RBFOX1: variants seen among roughly 807,000 people sequenced by gnomAD.
RBFOX1 encodes the protein RNA binding fox-1 homolog 1.
RBFOX1 carries 8 observed loss-of-function variants against 57.7 expected under a neutral mutation model. The observed-to-expected ratio is 0.14, with a 90% CI of 0.08 to 0.25. The LOEUF is 0.25. Ranked by LOEUF, RBFOX1 falls within the 10% of genes least tolerant of loss-of-function variation. The pLI, the probability that RBFOX1 is intolerant of heterozygous loss-of-function variation, is 1.00. For missense variants in RBFOX1, 611 were observed against 548.5 expected (o/e 1.11, Z -1.14); for synonymous variants, 326 against 222.4 (o/e 1.47, Z -4.15).
At chr16:6,206,114 G>A (rs1365919778) in intron 1 of RBFOX1, among the ~76,000 whole-genome samples, 2 of 152,064 alleles carry the variant, frequency 1.3e-5, no homozygotes, top group Non-Finnish European at 2.9e-5. Flanking sequence ...TGTCTTTTAA[G>A]GCACAGGTCA....
intron 1 of RBFOX1, among the ~76,000 whole-genome samples, chr16:6,145,185 C>A (rs1234249976): frequency 1.3e-5 from 2 of 152,032 alleles, no homozygotes; most frequent in Non-Finnish European, 2.9e-5. Context: ...TCTCCCATTT[C>A]CCACCCTCCA....
intron 3 of RBFOX1, among the ~76,000 whole-genome samples, chr16:6,902,247 T>G (rs777653393): frequency 6.6e-5 from 10 of 152,150 alleles, no homozygotes; most frequent in Admixed American, 1.3e-4. Context: ...AACTCACAGT[T>G]TCTGTATTGA....
chr16:6,445,593 T>TA, intron 2 of RBFOX1, among the ~76,000 whole-genome samples: 1 of 142,454 alleles, frequency 7.0e-6, no homozygotes, highest in East Asian at 2.0e-4. Context: ...TGAGATGGAG[T>TA]TTTTTTTTGA....
At chr16:5,534,297 A>T (rs551763197) in intron 2 of RBFOX1, among the ~76,000 whole-genome samples, 52 of 152,290 alleles carry the variant, frequency 3.4e-4, no homozygotes, top group African/African-American at 1.2e-3. Flanking sequence ...ATATGTATAC[A>T]TGAAAGGGAG....
intron 3 of RBFOX1, among the ~76,000 whole-genome samples, chr16:6,936,829 C>G (rs778140563): frequency 1.3e-4 from 19 of 151,436 alleles, no homozygotes; most frequent in African/African-American, 4.4e-4. Flanking sequence ...AGGTTCTTTC[C>G]GAATGCTCAA....
chr16:6,673,154 T>C (rs2098778242), intron 3 of RBFOX1, among the ~76,000 whole-genome samples: 2 of 152,314 alleles, frequency 1.3e-5, no homozygotes, highest in South Asian at 4.1e-4. Context: ...CAGTGATGTC[T>C]ACACTTCCCA....
chr16:7,075,000 G>A (rs868756649), intron 4 of RBFOX1, among the ~76,000 whole-genome samples: 43 of 152,196 alleles, frequency 2.8e-4, no homozygotes, highest in African/African-American at 9.4e-4. Context: ...GTCAAAGGGT[G>A]AGAATTAAAG....
At chr16:6,006,767 C>T (rs1034373594) in intron 4 of RBFOX1, among the ~76,000 whole-genome samples, 1 of 152,102 alleles carries the variant, frequency 6.6e-6, no homozygotes, top group African/African-American at 2.4e-5. Flanking sequence ...AGCTGTTGTT[C>T]AAGGCCAGAC....
Position 5,301,659 on chromosome 16 carries a change from A to G in RBFOX1, c.219+61554A>G, listed in dbSNP as rs368649403. Among the ~76,000 whole-genome samples, 7 of 150,110 alleles carry G rather than the reference A, an allele frequency of 4.7e-5. No individual in the cohort carries two copies. The East Asian group carries it at 9.8e-4, about 21-fold the overall frequency. On this transcript the variant is annotated intron_variant, in intron 1 of 2. Coordinates refer to the RBFOX1 transcript ENST00000585867. ...AAAAACACACAAAAACAAAAAACTGAGCTTGGATACACAGAGCTCCATCTC... is the reference window on the plus strand; with the variant it reads ...AAAAACACACAAAAACAAAAAACTGGGCTTGGATACACAGAGCTCCATCTC...
At chr16:5,513,398 C>T (rs760129928) in intron 2 of RBFOX1, among the ~76,000 whole-genome samples, 4 of 152,128 alleles carry the variant, frequency 2.6e-5, no homozygotes, top group South Asian at 2.1e-4. Context: ...TGCCAACTAC[C>T]GACATGCCTA....
chr16:7,439,129 C>G (rs1372584976), intron 4 of RBFOX1, among the ~76,000 whole-genome samples: 1 of 152,130 alleles, frequency 6.6e-6, no homozygotes, highest in African/African-American at 2.4e-5. Flanking sequence ...AAATGGATGC[C>G]CTTGTCCTTC....
intron 4 of RBFOX1, among the ~76,000 whole-genome samples, chr16:5,899,541 C>A (rs536954355): frequency 1.3e-5 from 2 of 152,160 alleles, no homozygotes; most frequent in Admixed American, 1.3e-4. Flanking sequence ...GTGAATTCCA[C>A]GGGTTTCACA....
chr16:6,242,588 T>C (rs1345374650), intron 1 of RBFOX1, among the ~76,000 whole-genome samples: 4 of 150,122 alleles, frequency 2.7e-5, no homozygotes, highest in Non-Finnish European at 4.4e-5. Context: ...CTCTGCTTGT[T>C]AGGCATTTAC....
chr16:6,544,671 A>G (rs1488681704), intron 2 of RBFOX1, among the ~76,000 whole-genome samples: 1 of 152,234 alleles, frequency 6.6e-6, no homozygotes, highest in African/African-American at 2.4e-5. Flanking sequence ...CTGACTGCGT[A>G]TCCACCCCAT....
At chr16:5,877,465 C>T (rs1393479891) in intron 4 of RBFOX1, among the ~76,000 whole-genome samples, 1 of 152,226 alleles carries the variant, frequency 6.6e-6, no homozygotes, top group Non-Finnish European at 1.5e-5. Flanking sequence ...TCCCAGGAAG[C>T]CTGGCTTCAG....
intron 4 of RBFOX1, among the ~76,000 whole-genome samples, chr16:7,186,994 C>CAAAAAAAAA (rs35177784): frequency 7.2e-5 from 5 of 69,290 alleles, no homozygotes; most frequent in African/African-American, 3.2e-4. Flanking sequence ...CCCACCTCCA[C>CAAAAAAAAA]AAAAAAAAAA....
At chr16:5,668,945 T>C (rs1276812234) in intron 3 of RBFOX1, among the ~76,000 whole-genome samples, 1 of 152,220 alleles carries the variant, frequency 6.6e-6, no homozygotes, top group Non-Finnish European at 1.5e-5. Context: ...GGAGCATTGC[T>C]CCAGCAGGAT....
chr16:7,377,992 C>T (rs1022062213), intron 4 of RBFOX1, among the ~76,000 whole-genome samples: 6 of 152,146 alleles, frequency 3.9e-5, no homozygotes, highest in Non-Finnish European at 7.3e-5. Flanking sequence ...GCACGGGGAA[C>T]AGAATGTGCA....
At chr16:7,134,992 A>G (rs2071527802) in intron 4 of RBFOX1, among the ~76,000 whole-genome samples, 2 of 152,004 alleles carry the variant, frequency 1.3e-5, no homozygotes, top group South Asian at 2.1e-4. Flanking sequence ...CAATCTTTGC[A>G]AAGTGGGATT....
Sources: allele counts gnomAD v4.1 joint callset (sites outside exome capture counted in the v4.1 genomes callset), GRCh38; gene constraint gnomAD v4.1.1; transcripts MANE v1.5; gene names NCBI Gene and HGNC (gene_info 2026-07-23, HGNC 2026-07-21).